CELF2: variants seen among roughly 807,000 people sequenced by gnomAD.
The protein encoded by CELF2 is CUGBP Elav-like family member 2, also known as CUG triplet repeat RNA-binding protein 2.
Under a neutral mutation model 62.6 loss-of-function variants are expected in CELF2, and 8 were observed. The ratio of observed to expected loss-of-function variants is 0.13; its 90% CI spans 0.07 to 0.23. The LOEUF is 0.23. Ranked by LOEUF, CELF2 falls within the 10% of genes least tolerant of loss-of-function variation. The pLI, the probability that CELF2 is intolerant of heterozygous loss-of-function variation, is 1.00. For synonymous variants in CELF2, 258 were observed against 250.0 expected (o/e 1.03, Z -0.30); for missense variants, 333 against 671.0 (o/e 0.50, Z 5.56).
intron 1 of CELF2, among the ~76,000 whole-genome samples, chr10:11,060,858 G>C (rs2066551600): frequency 1.3e-5 from 2 of 152,164 alleles, no homozygotes; most frequent in African/African-American, 4.8e-5. Context: ...CAGGGTGTCA[G>C]GAACAGTTCC....
chr10:10,923,343 T>A (rs1483221373), intron 2 of CELF2, among the ~76,000 whole-genome samples: 2 of 152,224 alleles, frequency 1.3e-5, no homozygotes, highest in Non-Finnish European at 2.9e-5. Flanking sequence ...TGGCTATGAC[T>A]GTCTTGAAAT....
At chr10:10,651,700 C>A in the CELF2 span, among the ~76,000 whole-genome samples, 1 of 151,758 alleles carries the variant, frequency 6.6e-6, no homozygotes. Flanking sequence ...GAAAAGACAT[C>A]TACACCGAAA....
intron 1 of CELF2, among the ~76,000 whole-genome samples, chr10:10,827,590 C>T (rs933129873): frequency 3.3e-5 from 5 of 152,148 alleles, no homozygotes; most frequent in African/African-American, 1.2e-4. Flanking sequence ...ATGTTAGTCC[C>T]TCCTCTAGCC....
At chr10:11,120,116 T>G (rs1239039648) in intron 1 of CELF2, among the ~76,000 whole-genome samples, 2 of 152,116 alleles carry the variant, frequency 1.3e-5, no homozygotes, top group African/African-American at 2.4e-5. Context: ...CAAGCATCCT[T>G]TGAGCATGTC....
chr10:10,517,534 T>C, the CELF2 span, among the ~76,000 whole-genome samples: 2 of 152,018 alleles, frequency 1.3e-5, no homozygotes, highest in African/African-American at 4.8e-5. Context: ...TCTCCTGGAG[T>C]TCAGGCCAAT....
intron 2 of CELF2, among the ~76,000 whole-genome samples, chr10:11,172,721 C>T (rs958143527): frequency 2.0e-5 from 3 of 152,134 alleles, no homozygotes; most frequent in South Asian, 2.1e-4. Flanking sequence ...CAAAAAAGAC[C>T]GACAGAGCGA....
At chr10:11,111,026 C>T (rs1202363841) in intron 1 of CELF2, among the ~76,000 whole-genome samples, 8 of 152,152 alleles carry the variant, frequency 5.3e-5, no homozygotes, top group Admixed American at 3.9e-4. Flanking sequence ...GAGTACCATT[C>T]GGTTAGGATG....
At chr10:10,605,474 G>A in the CELF2 span, among the ~76,000 whole-genome samples, 1 of 152,176 alleles carries the variant, frequency 6.6e-6, no homozygotes, top group East Asian at 1.9e-4. Flanking sequence ...CAATAAGGCT[G>A]TAGATTTTCC....
the CELF2 span, among the ~76,000 whole-genome samples, chr10:10,783,291 T>A: frequency 2.6e-5 from 4 of 152,096 alleles, no homozygotes; most frequent in African/African-American, 9.7e-5. Context: ...TATGACTGTG[T>A]CCTTAGCAAA....
chr10:11,307,376 C>T lies in CELF2; in HGVS notation c.977-6763C>T, dbSNP rs114862554. On this transcript the variant is annotated intron_variant, in intron 9 of 12. Coordinates refer to ENST00000633077, the MANE Select transcript of CELF2 (RefSeq NM_001326342.2). ...ATTTCCTGCAAGGTGGGAGAAGGTC[C>T]TCCAGCAGAAGCCAGATCAGTGGCT... is the stretch of plus-strand genomic sequence containing the variant. Among the ~76,000 whole-genome samples the T allele has an allele frequency of 2.6e-3, 396 of 152,334 alleles. 3 individuals are homozygous for T. Among genetic ancestry groups the T allele is most frequent in the African/African-American group, 9.1e-3 (380 of 41,572 alleles).
chr10:10,920,306 C>T (rs2064770933), intron 2 of CELF2, among the ~76,000 whole-genome samples: 1 of 152,140 alleles, frequency 6.6e-6, no homozygotes, highest in Non-Finnish European at 1.5e-5. Context: ...CATGCTGCTT[C>T]CTTTATTATG....
intron 1 of CELF2, among the ~76,000 whole-genome samples, chr10:10,910,782 T>A (rs1323501430): frequency 6.6e-6 from 1 of 152,106 alleles, no homozygotes; most frequent in African/African-American, 2.4e-5. Flanking sequence ...TTTTTTCGGT[T>A]TTTGCTTTGA....
At chr10:10,576,685 C>G in the CELF2 span, among the ~76,000 whole-genome samples, 1 of 152,186 alleles carries the variant, frequency 6.6e-6, no homozygotes, top group Non-Finnish European at 1.5e-5. Flanking sequence ...AACCTAGCCC[C>G]TTCACCTCCT....
chr10:10,709,957 A>T, the CELF2 span, among the ~76,000 whole-genome samples: 5 of 152,168 alleles, frequency 3.3e-5, no homozygotes, highest in Non-Finnish European at 7.3e-5. Context: ...TCCCCAGGGG[A>T]CCTGATGGCT....
chr10:10,531,241 C>G, the CELF2 span, among the ~76,000 whole-genome samples: 3 of 152,180 alleles, frequency 2.0e-5, no homozygotes, highest in Admixed American at 6.5e-5. Context: ...GGAACACCTA[C>G]GTCAGAAACA....
the CELF2 span, among the ~76,000 whole-genome samples, chr10:10,547,692 A>AGAGAGT: frequency 9.6e-3 from 1,326 of 138,060 alleles, 9 homozygotes; most frequent in East Asian, 0.026. Flanking sequence ...AGAGAGAGAG[A>AGAGAGT]GTGTGTGTGT....
chr10:10,937,039 A>T (rs1345774239), intron 2 of CELF2, among the ~76,000 whole-genome samples: 1 of 152,072 alleles, frequency 6.6e-6, no homozygotes, highest in Non-Finnish European at 1.5e-5. Context: ...CTTAGGCTTC[A>T]ATTACATCTC....
the CELF2 span, among the ~76,000 whole-genome samples, chr10:10,601,329 G>C: frequency 6.6e-6 from 1 of 152,190 alleles, no homozygotes; most frequent in African/African-American, 2.4e-5. Context: ...CAGGGATGGG[G>C]ACAGCAGCAA....
intron 1 of CELF2, among the ~76,000 whole-genome samples, chr10:10,844,687 T>A (rs981948907): frequency 7.2e-5 from 11 of 152,104 alleles, no homozygotes; most frequent in Middle Eastern, 3.2e-3. Context: ...ATTCTTTGGG[T>A]TTTCTTGGGA....
Sources: allele counts gnomAD v4.1 joint callset (sites outside exome capture counted in the v4.1 genomes callset), GRCh38; gene constraint gnomAD v4.1.1; transcripts MANE v1.5; gene names NCBI Gene and HGNC (gene_info 2026-07-23, HGNC 2026-07-21).